The following RPS6KC1 variants were observed in gnomAD, a reference collection of about 807,000 sequenced individuals.
RPS6KC1 encodes inactive ribosomal protein S6 kinase delta-1.
RPS6KC1 carries 54 observed loss-of-function variants against 103.8 expected under a neutral mutation model. The observed-to-expected ratio is 0.52, with a 90% confidence interval of 0.42 to 0.65. The LOEUF is 0.65. Among genes scored for constraint, RPS6KC1 ranks in the 30% least tolerant of loss-of-function variants. The pLI is 0.00. For synonymous variants in RPS6KC1, 439 were observed against 438.7 expected, an observed-to-expected ratio of 1.00 and a Z score of -0.01; for missense variants, 1,151 against 1,253.8, an observed-to-expected ratio of 0.92 and a Z score of 1.24.
intron 8 of RPS6KC1, among the ~76,000 whole-genome samples, chr1:213,193,542 G>A (rs546253172): frequency 9.2e-5 from 14 of 152,030 alleles, no homozygotes; most frequent in East Asian, 1.9e-4. Flanking sequence ...GCTTACAGAC[G>A]TGAGCCACCA....
chr1:213,455,272 G>A, the RPS6KC1 span, among the ~76,000 whole-genome samples: 6,632 of 152,142 alleles, frequency 0.044, 283 homozygotes, highest in Non-Finnish European at 0.061. Context: ...GCGGTGGATC[G>A]TAACCAGGAA....
the RPS6KC1 span, among the ~76,000 whole-genome samples, chr1:213,600,212 CTCT>C: frequency 6.6e-6 from 1 of 152,128 alleles, no homozygotes; most frequent in African/African-American, 2.4e-5. Context: ...TCAATTAAAA[CTCT>C]TCTTTATAAG....
chr1:213,394,609 C>T, the RPS6KC1 span, among the ~76,000 whole-genome samples: 1 of 152,184 alleles, frequency 6.6e-6, no homozygotes, highest in Non-Finnish European at 1.5e-5. Context: ...TCCTCTATCC[C>T]CAGGTCTTTG....
chr1:213,426,035 T>C, the RPS6KC1 span, among the ~76,000 whole-genome samples: 3 of 151,910 alleles, frequency 2.0e-5, no homozygotes, highest in Admixed American at 1.3e-4. Flanking sequence ...TTGTTCCTTT[T>C]CTTCTTCTTC....
At chr1:213,719,272 A>G in the RPS6KC1 span, among the ~76,000 whole-genome samples, 5 of 152,230 alleles carry the variant, frequency 3.3e-5, 1 homozygote, top group Admixed American at 2.0e-4. Context: ...TATTCATTTA[A>G]TGAGTGCCTA....
chr1:213,688,316 C>T, the RPS6KC1 span, among the ~76,000 whole-genome samples: 2,685 of 152,202 alleles, frequency 0.018, 72 homozygotes, highest in African/African-American at 0.061. Context: ...TCCTCAGGCT[C>T]CCAGATGTCA....
At chr1:213,102,961 C>G (rs1310836735) in intron 3 of RPS6KC1, among the ~76,000 whole-genome samples, 2 of 152,046 alleles carry the variant, frequency 1.3e-5, no homozygotes, top group African/African-American at 4.8e-5. Flanking sequence ...AATCCCAGCA[C>G]TTTGGGAGGC....
chr1:213,562,023 A>T, the RPS6KC1 span, among the ~76,000 whole-genome samples: 1 of 152,168 alleles, frequency 6.6e-6, no homozygotes, highest in African/African-American at 2.4e-5. Context: ...TTTACCTTTG[A>T]CCTTGAGCAG....
At chr1:213,307,819 A>G in the RPS6KC1 span, among the ~76,000 whole-genome samples, 2 of 152,118 alleles carry the variant, frequency 1.3e-5, no homozygotes, top group East Asian at 1.9e-4. Flanking sequence ...CAGGACCGAC[A>G]TGGTCAATTT....
At chr1:213,630,901 A>G in the RPS6KC1 span, among the ~76,000 whole-genome samples, 11 of 152,200 alleles carry the variant, frequency 7.2e-5, no homozygotes, top group Non-Finnish European at 1.6e-4. Context: ...GATATTGGTG[A>G]ACAGCAAATG....
chr1:213,378,679 C>A, the RPS6KC1 span, among the ~76,000 whole-genome samples: 1 of 152,124 alleles, frequency 6.6e-6, no homozygotes, highest in Non-Finnish European at 1.5e-5. Context: ...CATATTTATT[C>A]ATTCGTGAAA....
At chr1:213,284,254 T>C in the RPS6KC1 span, among the ~76,000 whole-genome samples, 1 of 152,352 alleles carries the variant, frequency 6.6e-6, no homozygotes, top group East Asian at 1.9e-4. Context: ...CACTGGCCCA[T>C]GCCTGTAATA....
chr1:213,386,833 T>C, the RPS6KC1 span, among the ~76,000 whole-genome samples: 9 of 152,240 alleles, frequency 5.9e-5, no homozygotes, highest in Admixed American at 2.0e-4. Flanking sequence ...CACCTCTGGC[T>C]CTTAATGACT....
intron 8 of RPS6KC1, among the ~76,000 whole-genome samples, chr1:213,219,757 C>T (rs879494607): frequency 6.7e-5 from 10 of 149,326 alleles, no homozygotes; most frequent in East Asian, 2.0e-4. Flanking sequence ...ACTATTGCAA[C>T]GACAAAAACC....
rs1264215351 is a variant in RPS6KC1 at position 213,253,969 on chromosome 1, TG to T, written c.2912-7588del. On this transcript the variant is annotated intron_variant, in intron 12 of 14. Transcript: ENST00000366960. ...GAATATCATAAGGACTATAAAACTT[TG>T]TTATTCTGTGTTTTAGCAAGCTCTT... is the stretch of plus-strand genomic sequence containing the variant. 1.5e-4 allele frequency among the ~76,000 whole-genome samples: 23 copies of T among 152,290 alleles called. 1 individual carries two copies. In the South Asian group the frequency reaches 3.9e-3, roughly 26 times the overall value.
At chr1:213,665,243 T>TA in the RPS6KC1 span, among the ~76,000 whole-genome samples, 2 of 150,458 alleles carry the variant, frequency 1.3e-5, no homozygotes, top group East Asian at 1.9e-4. Context: ...GATGTCAAAA[T>TA]AAAAAAAATT....
At chr1:213,057,215 AC>A (rs2077403775) in intron 1 of RPS6KC1, among the ~76,000 whole-genome samples, 1 of 152,158 alleles carries the variant, frequency 6.6e-6, no homozygotes, top group African/African-American at 2.4e-5. Context: ...TGCTGGGATT[AC>A]AGGCGTGAGC....
chr1:213,475,613 G>A, the RPS6KC1 span, among the ~76,000 whole-genome samples: 2 of 143,084 alleles, frequency 1.4e-5, no homozygotes, highest in African/African-American at 2.5e-5. Context: ...CGTCCCTCCC[G>A]CTGCCTCTCC....
the RPS6KC1 span, among the ~76,000 whole-genome samples, chr1:213,704,518 C>G: frequency 6.7e-6 from 1 of 148,486 alleles, no homozygotes; most frequent in Non-Finnish European, 1.5e-5. Flanking sequence ...TGATAGAATT[C>G]TGAATTCCTT....
Sources: gnomAD v4.1 joint callset for allele counts (sites outside exome capture counted in the v4.1 genomes callset) on GRCh38, gnomAD v4.1.1 for gene constraint, MANE v1.5 for transcripts, NCBI Gene and HGNC (gene_info 2026-07-23, HGNC 2026-07-21) for gene names.